The following FEZ2 variants were observed in gnomAD, a reference collection of about 807,000 sequenced individuals.
FEZ2 encodes the protein fasciculation and elongation protein zeta-2.
FEZ2 carries 51 observed loss-of-function variants against 40.4 expected under a neutral mutation model. The ratio of observed to expected loss-of-function variants is 1.26; its 90% CI spans 1.01 to 1.59. The LOEUF is 1.59. FEZ2 is among the 40% of genes most tolerant of loss of function. The pLI is 0.00. For missense variants in FEZ2, 640 were observed against 438.3 expected (o/e 1.46, Z -4.11); for synonymous variants, 242 against 172.0 (o/e 1.41, Z -3.18).
chr2:36,592,644 CAAAAAA>C (rs34717975), intron 1 of FEZ2, among the ~76,000 whole-genome samples: 68 of 74,572 alleles, frequency 9.1e-4, no homozygotes, highest in African/African-American at 1.5e-3. Flanking sequence ...CACATCTCTA[CAAAAAA>C]AAAAAAAAAA....
chr2:36,577,544 G>T (rs1034559588), intron 5 of FEZ2, among the ~76,000 whole-genome samples: 1 of 152,128 alleles, frequency 6.6e-6, no homozygotes, highest in African/African-American at 2.4e-5. Context: ...GCGAGCCACC[G>T]TGCCCAGCCA....
chr2:36,576,604 G>T (rs1668577851), intron 5 of FEZ2, among the ~76,000 whole-genome samples: 1 of 152,138 alleles, frequency 6.6e-6, no homozygotes, highest in African/African-American at 2.4e-5. Flanking sequence ...CAGGAAACTA[G>T]TACTGCAAGC....
intron 7 of FEZ2, 140 bp from the exon 8 acceptor site, chr2:36,553,319 TA>T (rs1203183333): frequency 4.4e-6 from 3 of 677,098 alleles, no homozygotes. Context: ...AGCAATTTTT[TA>T]AAGGTTTTAA....
At chr2:36,595,002 T>A (rs1407129641) in intron 1 of FEZ2, among the ~76,000 whole-genome samples, 1 of 152,220 alleles carries the variant, frequency 6.6e-6, no homozygotes, top group Non-Finnish European at 1.5e-5. Context: ...CCTTCATCTT[T>A]ATCACCAAGT....
chr2:36,597,828 A>C, intron 1 of FEZ2, 49 bp downstream of exon 1: 2 of 1,284,658 alleles, frequency 1.6e-6, no homozygotes, highest in Non-Finnish European at 9.9e-7. Context: ...CGGTCGGGCG[A>C]GGGGTAGGGG....
chr2:36,557,150 T>A (rs1667978686), intron 6 of FEZ2: 1 of 152,200 alleles, frequency 6.6e-6, no homozygotes, highest in Admixed American at 6.5e-5. Flanking sequence ...TTTTCTAACT[T>A]CTAAATAAAA....
rs74874151 is a variant in FEZ2 at position 36,554,749 on chromosome 2, A to T, written c.1045+934T>A. 3.9e-5 allele frequency among the ~76,000 whole-genome samples: 6 copies of T among 152,334 alleles called. No homozygotes were observed. The East Asian group carries it at 1.2e-3, about 29-fold the overall frequency. On this transcript the variant is annotated intron_variant, in intron 7 of 7. Transcript: ENST00000405912. The stretch of plus-strand genomic sequence containing the variant: ...GTGATTCACTTTGAGCACCCTGTGT[A>T]TACTACTGAGGTTCCCCTTTCATGA...
chr2:36,558,939 A>C (rs185284095), intron 5 of FEZ2: 3 of 152,718 alleles, frequency 2.0e-5, no homozygotes, highest in Non-Finnish European at 4.4e-5. Context: ...CCAACAGCAA[A>C]ATAATTCTGT....
intron 5 of FEZ2, among the ~76,000 whole-genome samples, chr2:36,559,539 G>C (rs1668037865): frequency 1.3e-5 from 2 of 152,240 alleles, no homozygotes; most frequent in South Asian, 4.1e-4. Context: ...TGGTAAAACT[G>C]CATAGTTCAA....
intron 5 of FEZ2, among the ~76,000 whole-genome samples, chr2:36,571,525 G>A (rs553558578): frequency 5.3e-5 from 8 of 151,904 alleles, no homozygotes; most frequent in African/African-American, 1.4e-4. Context: ...GTGTGCTGGC[G>A]GGCGCCGTCA....
At chr2:36,567,566 A>G (rs574099512) in intron 5 of FEZ2, among the ~76,000 whole-genome samples, 2 of 152,246 alleles carry the variant, frequency 1.3e-5, no homozygotes, top group African/African-American at 4.8e-5. Flanking sequence ...GTTCGAGACC[A>G]GCCTGGCCAA....
rs1490347704 is a variant in FEZ2 at position 36,552,843 on chromosome 2, A to G, written c.*320T>C. 18 of 304,050 alleles carry G rather than the reference A, an allele frequency of 5.9e-5. No individual in the cohort carries two copies. In the South Asian group the frequency reaches 1.1e-3, roughly 19 times the overall value. 18.8% of individuals were successfully genotyped at this position (304,050 alleles called of 1,614,324 possible). A position where few individuals can be genotyped will look rare whatever the true frequency, so the allele number is the denominator to read the frequency against. On this transcript the variant is annotated 3_prime_UTR_variant, in exon 8 of 8. Transcript: ENST00000405912. ...TCAGTGCAGTTTAGATAAGAAAGCCATAAAAACAAATGGGCATACTGTCAG... is the reference window on the plus strand; with the variant it reads ...TCAGTGCAGTTTAGATAAGAAAGCCGTAAAAACAAATGGGCATACTGTCAG...
At chr2:36,594,135 CT>C (rs1442935460) in intron 1 of FEZ2, among the ~76,000 whole-genome samples, 1 of 152,004 alleles carries the variant, frequency 6.6e-6, no homozygotes, top group Admixed American at 6.5e-5. Flanking sequence ...CCACCTCAGC[CT>C]GGATTTTATT....
At chr2:36,561,727 G>A (rs149951021) in intron 5 of FEZ2, among the ~76,000 whole-genome samples, 116 of 152,238 alleles carry the variant, frequency 7.6e-4, no homozygotes, top group African/African-American at 2.8e-3. Context: ...GAAAGGCTTC[G>A]TGAAAAGGAA....
chr2:36,578,213 G>T (rs569193571), intron 5 of FEZ2, among the ~76,000 whole-genome samples: 2 of 152,176 alleles, frequency 1.3e-5, no homozygotes, highest in South Asian at 4.1e-4. Flanking sequence ...CACACAACTC[G>T]TAAGAGTTCA....
At chr2:36,579,378 G>C (rs889677124) in intron 4 of FEZ2, among the ~76,000 whole-genome samples, 3 of 152,222 alleles carry the variant, frequency 2.0e-5, no homozygotes, top group Non-Finnish European at 4.4e-5. Flanking sequence ...GATATGGTTT[G>C]TATCTGTGTC....
chr2:36,571,830 A>AC (rs1219563245), intron 5 of FEZ2, among the ~76,000 whole-genome samples: 1 of 149,944 alleles, frequency 6.7e-6, no homozygotes, highest in Non-Finnish European at 1.5e-5. Flanking sequence ...ACATGGTGAA[A>AC]CCCCACCTCT....
intron 5 of FEZ2, among the ~76,000 whole-genome samples, chr2:36,568,281 C>A (rs895817039): frequency 2.6e-5 from 4 of 151,986 alleles, no homozygotes; most frequent in East Asian, 1.9e-4. Context: ...AAAGCGCCAA[C>A]AGAACTAAGT....
chr2:36,579,667 G>A (rs1668676997), intron 4 of FEZ2, among the ~76,000 whole-genome samples: 1 of 152,060 alleles, frequency 6.6e-6, no homozygotes, highest in South Asian at 2.1e-4. Flanking sequence ...CAGGCTTCCT[G>A]TATAGCCTGT....
Sources: allele counts gnomAD v4.1 joint callset (sites outside exome capture counted in the v4.1 genomes callset), GRCh38; gene constraint gnomAD v4.1.1; transcripts MANE v1.5; gene names NCBI Gene and HGNC (gene_info 2026-07-23, HGNC 2026-07-21).